Variants in ZFHX3 observed in about 807,000 individuals in gnomAD.
ZFHX3 encodes zinc finger homeobox protein 3.
In ZFHX3, 42 loss-of-function variants were observed where a neutral mutation model predicts 279.1. That is an observed-to-expected ratio of 0.15 (90% CI 0.12 to 0.19). The LOEUF is 0.19. Ranked by LOEUF, ZFHX3 falls within the 10% of genes least tolerant of loss-of-function variation. The pLI is 1.00. For synonymous variants in ZFHX3, 2,293 were observed against 1,957.8 expected (o/e 1.17, Z -4.52); for missense variants, 4,981 against 4,754.0 (o/e 1.05, Z -1.40).
intron 5 of ZFHX3, among the ~76,000 whole-genome samples, chr16:73,149,956 C>T (rs970931265): frequency 1.1e-4 from 17 of 152,136 alleles, no homozygotes; most frequent in Non-Finnish European, 1.2e-4. Context: ...TCAAAGGACA[C>T]ATTTTGGGTT....
chr16:73,200,255 T>G (rs1189292184), intron 5 of ZFHX3, among the ~76,000 whole-genome samples: 1 of 152,180 alleles, frequency 6.6e-6, no homozygotes, highest in African/African-American at 2.4e-5. Context: ...CTATCCAGAC[T>G]TCATTATTTG....
chr16:73,831,049 A>G (rs1960982289), intron 1 of ZFHX3, among the ~76,000 whole-genome samples: 2 of 152,310 alleles, frequency 1.3e-5, no homozygotes, highest in Middle Eastern at 3.4e-3. Flanking sequence ...CTTCCCCTTT[A>G]GACACATTCA....
chr16:73,672,890 T>A (rs2052918117), intron 2 of ZFHX3, among the ~76,000 whole-genome samples: 1 of 152,200 alleles, frequency 6.6e-6, no homozygotes. Context: ...TTAGATAGAT[T>A]GTTTTAAATT....
At chr16:73,030,008 G>A (rs938339513) in intron 1 of ZFHX3, among the ~76,000 whole-genome samples, 1 of 152,184 alleles carries the variant, frequency 6.6e-6, no homozygotes, top group African/African-American at 2.4e-5. Context: ...TCTTAGGCAT[G>A]TTTTGTTTTA....
intron 4 of ZFHX3, among the ~76,000 whole-genome samples, chr16:72,834,672 T>A (rs540652567): frequency 6.6e-6 from 1 of 152,046 alleles, no homozygotes; most frequent in East Asian, 1.9e-4. Context: ...AACCTGGAAA[T>A]TGGTTCGCGA....
At chr16:73,372,433 A>G (rs2016646987) in intron 3 of ZFHX3, among the ~76,000 whole-genome samples, 1 of 152,248 alleles carries the variant, frequency 6.6e-6, no homozygotes, top group African/African-American at 2.4e-5. Context: ...CTCTTGCCAG[A>G]AAACGTATTT....
intron 3 of ZFHX3, among the ~76,000 whole-genome samples, chr16:72,901,422 T>C (rs1597361400): frequency 1.3e-5 from 2 of 152,310 alleles, no homozygotes; most frequent in South Asian, 2.1e-4. Flanking sequence ...ACCTTCATAA[T>C]GAGAGAAGAC....
Position 73,729,553 on chromosome 16 carries a change from C to CAAA in ZFHX3, c.-1607-49314_-1607-49313insTTT, listed in dbSNP as rs1491285160. Among the ~76,000 whole-genome samples the CAAA allele has an allele frequency of 3.7e-3, 115 of 31,218 alleles. 1 individual carries two copies. Among genetic ancestry groups the CAAA allele is most frequent in the Non-Finnish European group, 5.4e-3 (67 of 12,506 alleles). 20.5% of individuals were successfully genotyped at this position (31,218 alleles called of 152,430 possible). ...CAAAAACAAACAAAAAACAAACAAA[C>CAAA]CAAAAAAAAAAAAAAAAACCTGGGC... On this transcript the variant is annotated intron_variant, in intron 1 of 17. Transcript: ENST00000641206.
chr16:73,765,141 G>A (rs749250660), intron 1 of ZFHX3, among the ~76,000 whole-genome samples: 2 of 152,076 alleles, frequency 1.3e-5, no homozygotes, highest in Non-Finnish European at 2.9e-5. Context: ...TTGCCCTCCT[G>A]CTTCCAGGAT....
In ZFHX3 at chr16:72,796,243, T is replaced by G. The variant is rs1287331563; in HGVS notation, c.6439A>C (p.Arg2147=). Residue 2147 remains arginine (R), a synonymous_variant, in exon 9 of 10, where the codon AGG becomes CGG. Transcript: ENST00000268489. ...NPTLLQQQNK[R]PRTRITDDQL... Reference sequence around the variant, plus strand: ...TCATCTGTGATCCTGGTGCGAGGCCTCTTGTTCTGCTGCTGGAGCAGGGTT... The same window carrying G: ...TCATCTGTGATCCTGGTGCGAGGCCGCTTGTTCTGCTGCTGGAGCAGGGTT... 3 of 1,613,976 alleles carry G rather than the reference T, an allele frequency of 1.9e-6. No individual in the cohort carries two copies. The highest frequency in any genetic ancestry group is 1.7e-6 in the Non-Finnish European group (2 of 1,180,032).
chr16:72,957,293 G>A, intron 2 of ZFHX3, 134 bp downstream of exon 2: 1 of 1,009,084 alleles, frequency 9.9e-7, no homozygotes, highest in Admixed American at 2.4e-5. Context: ...TTGATTGTAA[G>A]ACACTCCAGT....
intron 3 of ZFHX3, among the ~76,000 whole-genome samples, chr16:72,892,711 T>C (rs1325078936): frequency 6.6e-6 from 1 of 152,208 alleles, no homozygotes; most frequent in Admixed American, 6.5e-5. Flanking sequence ...TTTCACCATG[T>C]TGGCCAGGCT....
At chr16:73,750,113 G>A (rs2053748099) in intron 1 of ZFHX3, among the ~76,000 whole-genome samples, 2 of 152,152 alleles carry the variant, frequency 1.3e-5, no homozygotes, top group South Asian at 2.1e-4. Context: ...GATGGAACTG[G>A]AGAGAAAGGA....
At position 72,960,149 on chromosome 16, in the gene ZFHX3, A is replaced by G; in HGVS notation, c.-4T>C. ...CGGGCGAGTCACAGCCTTCCATGGT[A>G]AGGCCTGCGTGGAGCTTTCATTGCA... is the stretch of plus-strand genomic sequence containing the variant. On this transcript the variant is annotated 5_prime_UTR_variant, in exon 2 of 10. Coordinates refer to ENST00000268489, the MANE Select transcript of ZFHX3 (RefSeq NM_006885.4). 1 of 1,567,906 alleles carries G rather than the reference A, an allele frequency of 6.4e-7. No individual in the cohort carries two copies.
intron 2 of ZFHX3, among the ~76,000 whole-genome samples, chr16:73,564,320 T>C (rs1201583640): frequency 6.6e-6 from 1 of 152,172 alleles, no homozygotes; most frequent in African/African-American, 2.4e-5. Context: ...AGCCACAGCT[T>C]CCGCCGATTC....
chr16:72,910,057 G>A (rs868323489), intron 3 of ZFHX3, among the ~76,000 whole-genome samples: 4 of 151,984 alleles, frequency 2.6e-5, no homozygotes, highest in Non-Finnish European at 4.4e-5. Context: ...TAACTTTCTC[G>A]TCAGTGTGCT....
At chr16:73,238,924 C>G (rs903088877) in intron 5 of ZFHX3, among the ~76,000 whole-genome samples, 1 of 152,138 alleles carries the variant, frequency 6.6e-6, no homozygotes, top group Non-Finnish European at 1.5e-5. Flanking sequence ...ATTTCTCCCC[C>G]GACCGAAACC....
intron 1 of ZFHX3, among the ~76,000 whole-genome samples, chr16:73,797,274 G>A (rs1235061341): frequency 6.6e-6 from 1 of 152,158 alleles, no homozygotes; most frequent in African/African-American, 2.4e-5. Context: ...CAGTCCAGTT[G>A]TAGCATCCAA....
At chr16:73,312,320 C>A (rs2015346177) in intron 4 of ZFHX3, among the ~76,000 whole-genome samples, 1 of 152,078 alleles carries the variant, frequency 6.6e-6, no homozygotes, top group African/African-American at 2.4e-5. Flanking sequence ...TGGGCCCAGA[C>A]CACAGAGCTG....
Sources: allele counts gnomAD v4.1 joint callset (sites outside exome capture counted in the v4.1 genomes callset), GRCh38; gene constraint gnomAD v4.1.1; transcripts MANE v1.5; gene names NCBI Gene and HGNC (gene_info 2026-07-23, HGNC 2026-07-21).